PDCD4: variants seen among roughly 807,000 people sequenced by gnomAD.
PDCD4 encodes the protein programmed cell death 4, also known as programmed cell death protein 4.
In PDCD4, 56 loss-of-function variants were observed where a neutral mutation model predicts 54.0. The observed-to-expected ratio is 1.04, with a 90% CI of 0.84 to 1.30. The LOEUF (loss-of-function observed/expected upper bound fraction) is 1.30. PDCD4 is among the 50% of genes most tolerant of loss of function. The probability of loss-of-function intolerance (pLI) is 0.00; values close to 1 mark genes in which losing one functional copy is unlikely to be tolerated. For missense variants in PDCD4, 584 were observed against 559.8 expected, an observed-to-expected ratio of 1.04 and a Z score of -0.44; for synonymous variants, 186 against 194.8, an observed-to-expected ratio of 0.95 and a Z score of 0.37.
rs1845889414 is a variant in PDCD4 at position 110,898,664 on chromosome 10, C to T, written c.*576C>T. ...GTTAAGTAAAAGGTGGCTGGAACATCTATTTTTCTACAAAACTGGAAAAAT... is the reference window on the plus strand; with the variant it reads ...GTTAAGTAAAAGGTGGCTGGAACATTTATTTTTCTACAAAACTGGAAAAAT... On this transcript the variant is annotated 3_prime_UTR_variant, in exon 12 of 12. Coordinates refer to ENST00000280154, the MANE Select transcript of PDCD4 (RefSeq NM_014456.5). The T allele has an allele frequency of 6.6e-6, 1 of 152,572 alleles. No individual in the cohort carries two copies. The highest frequency in any genetic ancestry group is 2.1e-4 in the South Asian group (1 of 4,830). The allele number at this position is 152,572 out of a possible 1,614,324, so 9.5% of individuals were successfully genotyped here.
intron 2 of PDCD4, among the ~76,000 whole-genome samples, chr10:110,877,161 T>C (rs1445805182): frequency 6.6e-6 from 1 of 152,196 alleles, no homozygotes; most frequent in African/African-American, 2.4e-5. Flanking sequence ...TGCTTTAGGG[T>C]TATAAATGGA....
In PDCD4 at chr10:110,890,536, AT is replaced by A. The variant is rs1429924645; in HGVS notation, c.876-13del. On this transcript the variant is annotated intron_variant, in intron 7 of 11. Coordinates refer to ENST00000280154, the MANE Select transcript of PDCD4 (RefSeq NM_014456.5). ...AGGTATGTCCAGCTATCAAACTTAA[AT>A]TTTTTTCTTTCTCTGTAGAGCTGCT... The A allele has an allele frequency of 2.6e-6, 4 of 1,517,138 alleles. No homozygotes were observed. Among genetic ancestry groups the A allele is most frequent in the Admixed American group, 1.8e-5 (1 of 56,098 alleles). The allele number at this position is 1,517,138 out of a possible 1,614,324, so 94.0% of individuals were successfully genotyped here. A position where few individuals can be genotyped will look rare whatever the true frequency, so the allele number is the denominator to read the frequency against.
At chr10:110,883,157 G>T in intron 4 of PDCD4, 60 bp downstream of exon 4, 1 of 1,104,852 alleles carries the variant, frequency 9.1e-7, no homozygotes, top group Non-Finnish European at 1.3e-6. Flanking sequence ...TTGACTTCAT[G>T]TTTGTAGTTT....
rs5787876 is a variant in PDCD4 at position 110,898,158 on chromosome 10, G to GTT, written c.*89_*90dup. 1,303 of 384,148 alleles carry GTT rather than the reference G, an allele frequency of 3.4e-3. No homozygotes were observed. Among genetic ancestry groups the GTT allele is most frequent in the Middle Eastern group, 5.4e-3 (7 of 1,290 alleles). 23.8% of individuals were successfully genotyped at this position (384,148 alleles called of 1,614,324 possible). A position where few individuals can be genotyped will look rare whatever the true frequency, so the allele number is the denominator to read the frequency against. ...TGAATTGTAAGAGTTGTTAGCACAAGTTTTTTTTTTTTTTTTTTTTAAGCA... is the reference window on the plus strand; with the variant it reads ...TGAATTGTAAGAGTTGTTAGCACAAGTTTTTTTTTTTTTTTTTTTTTTAAGCA... On this transcript the variant is annotated 3_prime_UTR_variant, in exon 12 of 12. Transcript: ENST00000280154.
chr10:110,884,034 A>G (rs150958111), intron 4 of PDCD4, among the ~76,000 whole-genome samples: 2 of 152,360 alleles, frequency 1.3e-5, no homozygotes, highest in African/African-American at 4.8e-5. Context: ...CACTTTCCGC[A>G]GTTTCAGTTA....
Position 110,881,446 on chromosome 10 carries a change from GA to G in PDCD4, c.259del (p.Ser87ValfsTer3). The G allele has an allele frequency of 6.2e-7, 1 of 1,614,194 alleles. No individual in the cohort carries two copies. The highest frequency in any genetic ancestry group is 8.5e-7 in the Non-Finnish European group (1 of 1,180,042). On this transcript the variant is annotated frameshift_variant, in exon 3 of 12. Coordinates refer to ENST00000280154, the MANE Select transcript of PDCD4 (RefSeq NM_014456.5). LOFTEE classifies it high-confidence loss of function. ...AGCGACAGTGGGAGTGACGCCCTTA[GA>G]AGTGGATTAACTGTGCCAACCAGTC... ...SVSDSGSDAL[R>X]SGLTVPTSPK...
At chr10:110,886,459 A>G (rs1845671123) in intron 5 of PDCD4, among the ~76,000 whole-genome samples, 3 of 152,174 alleles carry the variant, frequency 2.0e-5, no homozygotes, top group Admixed American at 2.0e-4. Context: ...GTCAAGGAAG[A>G]TGAAATGCAG....
intron 6 of PDCD4, among the ~76,000 whole-genome samples, chr10:110,888,439 T>G (rs1008325843): frequency 6.6e-6 from 1 of 152,170 alleles, no homozygotes; most frequent in Non-Finnish European, 1.5e-5. Flanking sequence ...TATGAGATAT[T>G]AAGTGGTGAT....
chr10:110,876,093 C>CT, intron 2 of PDCD4, 23 bp downstream of exon 2: 5 of 1,589,642 alleles, frequency 3.1e-6, no homozygotes, highest in African/African-American at 1.4e-5. Context: ...ATCCTTTTTT[C>CT]TTTTTTTCTT....
intron 7 of PDCD4, 81 bp from the exon 8 acceptor site, chr10:110,890,472 TAGG>T: frequency 3.3e-6 from 2 of 599,396 alleles, no homozygotes; most frequent in Admixed American, 3.2e-5. Flanking sequence ...TTAGGGCATA[TAGG>T]ATTTTGTCAG....
In PDCD4 at chr10:110,897,959, AT is replaced by A. The variant is rs1378338629; in HGVS notation, c.1350-62del. ...GTAACGAAAAAATACCAAGTTTTTA[AT>A]TTTTTTATATATTGACTATAGTCAG... is the stretch of plus-strand genomic sequence containing the variant. On this transcript the variant is annotated intron_variant, in intron 11 of 11. Coordinates refer to ENST00000280154, the MANE Select transcript of PDCD4 (RefSeq NM_014456.5). 5 of 1,139,150 alleles carry A rather than the reference AT, an allele frequency of 4.4e-6. No homozygotes were observed. In the South Asian group the frequency reaches 6.7e-5, roughly 15 times the overall value. The allele number at this position is 1,139,150 out of a possible 1,614,324, so 70.6% of individuals were successfully genotyped here.
At position 110,875,953 on chromosome 10, in the gene PDCD4, T is replaced by G. The variant is rs1845497436; in HGVS notation, c.-62-13T>G. 1.6e-6 allele frequency: 2 copies of G among 1,237,294 alleles called. No individual in the cohort carries two copies. Among genetic ancestry groups the G allele is most frequent in the Admixed American group, 4.6e-5 (2 of 43,280 alleles). The allele number at this position is 1,237,294 out of a possible 1,614,324, so 76.6% of individuals were successfully genotyped here. ...AGATCTTGAAGCTTTCTTTTTTTCT[T>G]TTAAAAAAACAGATTCTGAAGGAAG... On this transcript the variant is annotated splice_polypyrimidine_tract_variant and intron_variant, in intron 1 of 11. Coordinates refer to ENST00000280154, the MANE Select transcript of PDCD4 (RefSeq NM_014456.5).
intron 11 of PDCD4, among the ~76,000 whole-genome samples, chr10:110,896,359 T>G (rs1590739182): frequency 6.6e-6 from 1 of 152,276 alleles, no homozygotes; most frequent in East Asian, 1.9e-4. Flanking sequence ...GTATTATCAG[T>G]GATAAGATGA....
chr10:110,889,518 T>TAC lies in PDCD4; in HGVS notation c.778-15_778-14insAC, dbSNP rs1845724002. 6.9e-7 allele frequency: 1 copy of TAC among 1,450,540 alleles called. No homozygotes were observed. The highest frequency in any genetic ancestry group is 2.0e-5 in the Admixed American group (1 of 51,042). The allele number at this position is 1,450,540 out of a possible 1,614,324, so 89.9% of individuals were successfully genotyped here. On this transcript the variant is annotated splice_polypyrimidine_tract_variant and intron_variant, in intron 6 of 11. Coordinates refer to ENST00000280154, the MANE Select transcript of PDCD4 (RefSeq NM_014456.5). ...TTAACTTTTTTTATAGCTCTTTTTT[T>TAC]TTTCCTTTTTACAGTTGGTGGGCCA...
At chr10:110,891,501 A>G (rs554346411) in intron 8 of PDCD4, among the ~76,000 whole-genome samples, 6 of 149,540 alleles carry the variant, frequency 4.0e-5, no homozygotes, top group Non-Finnish European at 5.9e-5. Flanking sequence ...GTGGTGTCCT[A>G]TAACAAGAAA....
chr10:110,872,722 A>G (rs1246397352), intron 1 of PDCD4, among the ~76,000 whole-genome samples: 3 of 152,256 alleles, frequency 2.0e-5, no homozygotes, highest in Admixed American at 1.3e-4. Flanking sequence ...TCTTCCGGCA[A>G]AGGGTCTCTT....
At chr10:110,881,044 T>C (rs2135197087) in intron 2 of PDCD4, among the ~76,000 whole-genome samples, 189 bp from the exon 3 acceptor site, 1 of 152,338 alleles carries the variant, frequency 6.6e-6, no homozygotes, top group Non-Finnish European at 1.5e-5. Context: ...CTTTCCTTGA[T>C]AATGTGAAAA....
chr10:110,876,194 G>A (rs1845501808), intron 2 of PDCD4, 124 bp downstream of exon 2: 1 of 652,254 alleles, frequency 1.5e-6, no homozygotes, highest in East Asian at 3.2e-5. Context: ...CTGGGCTTAA[G>A]AGATCCTCCC....
At chr10:110,889,383 A>T (rs1845721359) in intron 6 of PDCD4, 150 bp from the exon 7 acceptor site, 1 of 618,864 alleles carries the variant, frequency 1.6e-6, no homozygotes, top group Non-Finnish European at 2.8e-6. Flanking sequence ...AACAGGTACT[A>T]CATAGGTTTT....
Sources: gnomAD v4.1 joint callset for allele counts (sites outside exome capture counted in the v4.1 genomes callset) on GRCh38, gnomAD v4.1.1 for gene constraint, MANE v1.5 for transcripts, NCBI Gene and HGNC (gene_info 2026-07-23, HGNC 2026-07-21) for gene names.